ZNF592: variants seen among roughly 807,000 people sequenced by gnomAD.
ZNF592 encodes the protein zinc finger protein 592.
In ZNF592, 11 loss-of-function variants were observed where a neutral mutation model predicts 80.3. That is an observed-to-expected ratio of 0.14 (90% CI 0.09 to 0.23). The LOEUF (loss-of-function observed/expected upper bound fraction) is 0.23, where lower values mean the gene tolerates loss of function less well. ZNF592 is among the 10% of genes least tolerant of loss of function. The probability of loss-of-function intolerance (pLI) is 1.00; values close to 1 mark genes in which losing one functional copy is unlikely to be tolerated. For missense variants in ZNF592, 1,420 were observed against 1,633.9 expected, an observed-to-expected ratio of 0.87 and a Z score of 2.26; for synonymous variants, 646 against 640.3, an observed-to-expected ratio of 1.01 and a Z score of -0.13.
intron 1 of ZNF592, among the ~76,000 whole-genome samples, chr15:84,759,954 T>TCCCCCCCCCCCCCCC (rs759072074): frequency 8.1e-5 from 4 of 49,662 alleles, no homozygotes; most frequent in African/African-American, 3.9e-4. Context: ...TTGGGGAGAT[T>TCCCCCCCCCCCCCCC]CCCCCCCCCC....
chr15:84,783,377 C>G lies in ZNF592; in HGVS notation c.702C>G (p.Ala234=). 6.2e-7 allele frequency: 1 copy of G among 1,614,220 alleles called. No individual in the cohort carries two copies. Among genetic ancestry groups the G allele is most frequent in the South Asian group, 1.1e-5 (1 of 91,090 alleles). Residue 234 remains alanine, a synonymous_variant, in exon 4 of 11, where the codon GCC becomes GCG. Coordinates refer to ENST00000560079, the MANE Select transcript of ZNF592 (RefSeq NM_014630.3). This position sits in a 1 kb window ranked among gnomAD's most constrained non-coding sequence, Gnocchi z 5.0. ...TGGAACCTCACAAGGATCCGGATGC[C>G]ACTCGATTCTTCGGGGAAGCTTTGG... ...NTVEPHKDPD[A]TRFFGEALEF... is the part of the protein sequence containing the mutation.
chr15:84,759,966 C>CA lies in ZNF592; in HGVS notation c.-258-4740dup, dbSNP rs1567059543. On this transcript the variant is annotated intron_variant, in intron 1 of 10. Coordinates refer to ENST00000560079, the MANE Select transcript of ZNF592 (RefSeq NM_014630.3). ...GGATTGGGGAGATTCCCCCCCCCCCCACCCTGCCATTTAAAAAGTAATATG... is the reference window on the plus strand; with the variant it reads ...GGATTGGGGAGATTCCCCCCCCCCCCAACCCTGCCATTTAAAAAGTAATATG... Among the ~76,000 whole-genome samples, 2 of 71,832 alleles carry CA rather than the reference C, an allele frequency of 2.8e-5. 1 individual carries two copies. The highest frequency in any genetic ancestry group is 7.7e-4 in the South Asian group (2 of 2,590). 47.1% of individuals were successfully genotyped at this position (71,832 alleles called of 152,430 possible). A position where few individuals can be genotyped will look rare whatever the true frequency, so the allele number is the denominator to read the frequency against.
Position 84,798,812 on chromosome 15 carries a change from G to A in ZNF592, c.2961G>A (p.Glu987=), listed in dbSNP as rs749844521. 6.2e-6 allele frequency: 10 copies of A among 1,600,930 alleles called. No individual in the cohort carries two copies. Among genetic ancestry groups the A allele is most frequent in the Non-Finnish European group, 6.8e-6 (8 of 1,179,708 alleles). ...GGAACACTGGCTGGACCTGCCAGGA[G>A]TGCCAGGAGTGGGTTCCAGATCGGG... ...RLRNTGWTCQ[E]CQEWVPDRES... is the part of the protein sequence containing the mutation. The change falls in exon 8 of 11, where the codon GAG becomes GAA. Residue 987 remains glutamate, a synonymous_variant. Transcript: ENST00000560079. This position sits in a 1 kb window ranked among gnomAD's most constrained non-coding sequence, Gnocchi z 4.5.
Position 84,798,315 on chromosome 15 carries a change from G to A in ZNF592, c.2577G>A (p.Gln859=), listed in dbSNP as rs1466594923. 1 of 1,614,168 alleles carries A rather than the reference G, an allele frequency of 6.2e-7. No homozygotes were observed. Among genetic ancestry groups the A allele is most frequent in the East Asian group, 2.2e-5 (1 of 44,882 alleles). ...CACCCCCTAGGGCTTGTCTCATCAG[G>A]CTCATTTATAAGTGCTCCTGTGAAA... ...QHPTQPHRPS[Q]LIYKCSCEMV... is the part of the protein sequence containing the mutation. The change falls in exon 7 of 11, where the codon CAG becomes CAA. Residue 859 remains glutamine (Q), a splice_region_variant and synonymous_variant. Coordinates refer to ENST00000560079, the MANE Select transcript of ZNF592 (RefSeq NM_014630.3). This position sits in a 1 kb window ranked among gnomAD's most constrained non-coding sequence, Gnocchi z 4.5.
intron 4 of ZNF592, among the ~76,000 whole-genome samples, chr15:84,788,276 C>T (rs947671049): frequency 1.3e-5 from 2 of 152,194 alleles, no homozygotes; most frequent in African/African-American, 4.8e-5. Flanking sequence ...TAAAGCTCCC[C>T]ACCTTTTACC....
In ZNF592 at chr15:84,778,248, G is replaced by T; in HGVS notation, c.-84G>T. On this transcript the variant is annotated 5_prime_UTR_variant, in exon 3 of 11. Transcript: ENST00000560079. ...GAAGGAAGACGCTCCCCCGTACGGA[G>T]ACAGAGGGAGGGGGGGCTCCAAAGC... 3.7e-6 allele frequency: 1 copy of T among 269,124 alleles called. No individual in the cohort carries two copies. The allele number at this position is 269,124 out of a possible 1,614,324, so 16.7% of individuals were successfully genotyped here.
At chr15:84,792,226 A>G (rs925970908) in intron 5 of ZNF592, among the ~76,000 whole-genome samples, 19 of 151,870 alleles carry the variant, frequency 1.3e-4, no homozygotes, top group Admixed American at 5.9e-4. Flanking sequence ...TAGCTTTTAT[A>G]TGGAATGAGG....
intron 1 of ZNF592, among the ~76,000 whole-genome samples, chr15:84,752,195 C>G (rs1178029207): frequency 6.6e-6 from 1 of 152,162 alleles, no homozygotes; most frequent in Non-Finnish European, 1.5e-5. Context: ...CTCATCTTCT[C>G]TTAATAACTT....
intron 1 of ZNF592, among the ~76,000 whole-genome samples, chr15:84,760,756 C>T (rs764064576): frequency 3.9e-5 from 6 of 152,106 alleles, no homozygotes; most frequent in South Asian, 2.1e-4. Context: ...TCAGTAGGAA[C>T]GGAGTTCAGA....
intron 3 of ZNF592, among the ~76,000 whole-genome samples, chr15:84,779,947 A>G (rs936147499): frequency 6.8e-6 from 1 of 146,170 alleles, no homozygotes; most frequent in Non-Finnish European, 1.5e-5. Context: ...TGGAAAATCT[A>G]TTCTGCCCTT....
intron 1 of ZNF592, among the ~76,000 whole-genome samples, chr15:84,763,687 C>T (rs1480625938): frequency 2.6e-5 from 4 of 152,160 alleles, no homozygotes; most frequent in Admixed American, 2.6e-4. Flanking sequence ...TTAATATTGT[C>T]TGTATTACTA....
At position 84,798,075 on chromosome 15, in the gene ZNF592, T is replaced by C. The variant is rs370814236; in HGVS notation, c.2576+30T>C. The C allele has an allele frequency of 6.2e-6, 10 of 1,611,646 alleles. No individual in the cohort carries two copies. The highest frequency in any genetic ancestry group is 8.5e-6 in the Non-Finnish European group (10 of 1,179,414). Reference sequence around the variant, plus strand: ...GTGCAGCTCCAGGGCCAGCAGGCCCTGTGGAGCAGAGAGGAGTAGCCTGGG... The same window carrying C: ...GTGCAGCTCCAGGGCCAGCAGGCCCCGTGGAGCAGAGAGGAGTAGCCTGGG... On this transcript the variant is annotated intron_variant, in intron 6 of 10. Coordinates refer to ENST00000560079, the MANE Select transcript of ZNF592 (RefSeq NM_014630.3). The surrounding 1 kb of genome is among the most constrained non-coding windows in gnomAD (Gnocchi z 4.5).
intron 1 of ZNF592, among the ~76,000 whole-genome samples, chr15:84,760,507 C>G (rs1445010587): frequency 6.6e-6 from 1 of 152,166 alleles, no homozygotes; most frequent in East Asian, 1.9e-4. Flanking sequence ...TCTACATGGG[C>G]AGGAATTTCA....
At chr15:84,795,770 A>C (rs1400660406) in intron 5 of ZNF592, among the ~76,000 whole-genome samples, 1 of 152,244 alleles carries the variant, frequency 6.6e-6, no homozygotes, top group Non-Finnish European at 1.5e-5. Context: ...AATTTAAAGC[A>C]TATACAAATG....
Position 84,782,792 on chromosome 15 carries a change from T to C in ZNF592, c.117T>C (p.Ser39=). 6.2e-7 allele frequency: 1 copy of C among 1,613,572 alleles called. No homozygotes were observed. The highest frequency in any genetic ancestry group is 8.5e-7 in the Non-Finnish European group (1 of 1,179,910). Residue 39 remains serine (S), a synonymous_variant, in exon 4 of 11, where the codon AGT becomes AGC. Coordinates refer to ENST00000560079, the MANE Select transcript of ZNF592 (RefSeq NM_014630.3). The stretch of plus-strand genomic sequence containing the variant: ...AGACACCCAGTGAGGAGAATGAGAG[T>C]CCCCTCAAACCTCCAGGCATATGTA... The part of the protein sequence containing the change: ...AIQTPSEENE[S]PLKPPGICMD...
At chr15:84,772,639 T>G (rs1962117861) in intron 2 of ZNF592, among the ~76,000 whole-genome samples, 1 of 152,236 alleles carries the variant, frequency 6.6e-6, no homozygotes, top group Non-Finnish European at 1.5e-5. Context: ...GTCAGTCATG[T>G]GGGGGAGCAG....
intron 2 of ZNF592, among the ~76,000 whole-genome samples, chr15:84,773,739 C>G (rs1288697083): frequency 5.3e-5 from 8 of 150,036 alleles, no homozygotes; most frequent in African/African-American, 1.7e-4. Context: ...TTTCATCTCT[C>G]CAGAAAAAAA....
rs59448831 is a variant in ZNF592, at chr15:84,768,949, A to AT, written c.-150+4143dup. Among the ~76,000 whole-genome samples the AT allele has an allele frequency of 5.3e-3, 809 of 151,278 alleles. 6 individuals are homozygous for AT. The highest frequency in any genetic ancestry group is 0.017 in the Middle Eastern group (5 of 292). The stretch of plus-strand genomic sequence containing the variant: ...CAAATTGTTCTTCCTCCTTTCTTTT[A>AT]TTTTTTTTTGAGACATGGTGTCCAT... On this transcript the variant is annotated intron_variant, in intron 2 of 10. Transcript: ENST00000560079.
At chr15:84,767,268 C>T (rs1044849829) in intron 2 of ZNF592, among the ~76,000 whole-genome samples, 2 of 152,076 alleles carry the variant, frequency 1.3e-5, no homozygotes, top group East Asian at 1.9e-4. Context: ...TCAGGCGATC[C>T]GCCCGCCTCG....
Sources: allele counts gnomAD v4.1 joint callset (sites outside exome capture counted in the v4.1 genomes callset), GRCh38; gene constraint gnomAD v4.1.1; non-coding constraint Gnocchi (gnomAD v3.1); transcripts MANE v1.5; gene names NCBI Gene and HGNC (gene_info 2026-07-23, HGNC 2026-07-21).